Variants in PCDH15 observed in about 807,000 individuals in gnomAD.
The protein encoded by PCDH15 is protocadherin related 15, also known as protocadherin-15.
PCDH15 carries 129 observed loss-of-function variants against 178.5 expected under a neutral mutation model. The observed-to-expected ratio is 0.72, with a 90% CI of 0.63 to 0.84. PCDH15 has a LOEUF of 0.84. Among genes scored for constraint, PCDH15 ranks in the 40% least tolerant of loss-of-function variants. The pLI, the probability that PCDH15 is intolerant of heterozygous loss-of-function variation, is 0.00. For missense variants in PCDH15, 2,230 were observed against 2,099.9 expected, an observed-to-expected ratio of 1.06 and a Z score of -1.21; for synonymous variants, 800 against 732.0, an observed-to-expected ratio of 1.09 and a Z score of -1.50.
chr10:55,085,984 C>A (rs1161478794), intron 2 of PCDH15, among the ~76,000 whole-genome samples: 3 of 151,386 alleles, frequency 2.0e-5, no homozygotes, highest in African/African-American at 7.3e-5. Context: ...GTTGTTCTAG[C>A]CTTGTCTCTT....
intron 1 of PCDH15, among the ~76,000 whole-genome samples, chr10:54,679,189 CAAA>C (rs10709982): frequency 5.6e-5 from 4 of 71,314 alleles, no homozygotes; most frequent in African/African-American, 2.0e-4. Flanking sequence ...GACTCCGTCT[CAAA>C]AAAAAAAAAA....
At chr10:55,279,999 G>T (rs114206231) in intron 1 of PCDH15, among the ~76,000 whole-genome samples, 54 of 152,142 alleles carry the variant, frequency 3.5e-4, no homozygotes, top group African/African-American at 1.2e-3. Flanking sequence ...AGCCTATCAG[G>T]GTTCCACATA....
chr10:53,805,853 T>TTAAAC lies in PCDH15; in HGVS notation c.*721_*725dup, dbSNP rs539936037. On this transcript the variant is annotated 3_prime_UTR_variant, in exon 38 of 38. Coordinates refer to ENST00000644397, the MANE Select transcript of PCDH15 (RefSeq NM_001384140.1). ...CAAACAATTATTTAACCTCAAGTGA[T>TTAAAC]TAAACTAAACTAAAGTATCTACCAT... The TTAAAC allele has an allele frequency of 5.9e-5, 9 of 152,188 alleles. No homozygotes were observed. The highest frequency in any genetic ancestry group is 1.9e-4 in the East Asian group (1 of 5,178). The allele number at this position is 152,188 out of a possible 1,614,324, so 9.4% of individuals were successfully genotyped here.
chr10:54,874,993 TACAGCC>T (rs1482117182), intron 3 of PCDH15, among the ~76,000 whole-genome samples: 17 of 152,294 alleles, frequency 1.1e-4, no homozygotes, highest in African/African-American at 4.1e-4. Context: ...AAGGCTGGTT[TACAGCC>T]TATATACAAG....
intron 8 of PCDH15, among the ~76,000 whole-genome samples, chr10:54,249,183 A>G (rs1022850926): frequency 6.6e-6 from 1 of 152,110 alleles, no homozygotes; most frequent in East Asian, 1.9e-4. Flanking sequence ...AAACACATGT[A>G]ATATTTTACC....
At chr10:53,976,082 T>C (rs997905877) in intron 21 of PCDH15, among the ~76,000 whole-genome samples, 2 of 152,180 alleles carry the variant, frequency 1.3e-5, no homozygotes, top group African/African-American at 4.8e-5. Flanking sequence ...GTTGCAGGTG[T>C]GTGACTTTAT....
chr10:54,650,254 T>A (rs1291322248), intron 2 of PCDH15, among the ~76,000 whole-genome samples: 2 of 152,166 alleles, frequency 1.3e-5, no homozygotes, highest in East Asian at 3.9e-4. Context: ...GGCTATCGCA[T>A]TTCAAGCTGA....
At chr10:54,189,906 T>C (rs945484409) in intron 11 of PCDH15, among the ~76,000 whole-genome samples, 6 of 142,182 alleles carry the variant, frequency 4.2e-5, no homozygotes, top group Non-Finnish European at 9.1e-5. Flanking sequence ...ATGGTTCATA[T>C]ATGTATACAT....
intron 14 of PCDH15, among the ~76,000 whole-genome samples, chr10:54,146,576 C>T (rs1254111515): frequency 1.3e-5 from 2 of 151,574 alleles, no homozygotes; most frequent in African/African-American, 2.4e-5. Context: ...CTTCTGTATG[C>T]TTATCAAAGT....
chr10:53,914,859 A>G (rs1011736552), intron 25 of PCDH15, among the ~76,000 whole-genome samples: 1 of 152,182 alleles, frequency 6.6e-6, no homozygotes, highest in Admixed American at 6.5e-5. Flanking sequence ...GAAAATATTG[A>G]CTCTGAAACC....
chr10:55,470,034 T>C (rs4453124), intron 2 of PCDH15, among the ~76,000 whole-genome samples: 110,369 of 151,958 alleles, frequency 0.73, 40,720 homozygotes, highest in East Asian at 0.99. Context: ...GATATGAATC[T>C]AATTTTTTCT....
At chr10:53,830,446 C>A (rs959310364) in intron 30 of PCDH15, among the ~76,000 whole-genome samples, 2 of 151,816 alleles carry the variant, frequency 1.3e-5, no homozygotes, top group Non-Finnish European at 2.9e-5. Flanking sequence ...TTATTACTGT[C>A]TGCTATTTAT....
intron 2 of PCDH15, among the ~76,000 whole-genome samples, chr10:55,032,504 C>T (rs1482778361): frequency 6.6e-6 from 1 of 152,148 alleles, no homozygotes; most frequent in Non-Finnish European, 1.5e-5. Context: ...TACCCTGCTT[C>T]TCAAGGTCAT....
chr10:55,194,149 G>T (rs1840020664), intron 1 of PCDH15, among the ~76,000 whole-genome samples: 1 of 151,920 alleles, frequency 6.6e-6, no homozygotes, highest in Admixed American at 6.6e-5. Context: ...TGGCATGTTG[G>T]TCAAGAACTT....
At chr10:54,697,534 T>TATATATATATATATATAC (rs1256170283) in intron 1 of PCDH15, among the ~76,000 whole-genome samples, 63 of 150,708 alleles carry the variant, frequency 4.2e-4, no homozygotes, top group African/African-American at 1.5e-3. Context: ...TATATATATA[T>TATATATATATATATATAC]ACCTCTTTAC....
intron 2 of PCDH15, among the ~76,000 whole-genome samples, chr10:55,509,632 G>A (rs908099861): frequency 3.3e-5 from 5 of 151,670 alleles, no homozygotes; most frequent in Admixed American, 2.6e-4. Context: ...ATGTTTTACG[G>A]AACCATCATC....
At chr10:54,345,791 G>T in intron 6 of PCDH15, among the ~76,000 whole-genome samples, 1 of 91,506 alleles carries the variant, frequency 1.1e-5, no homozygotes, top group Non-Finnish European at 1.9e-5. Flanking sequence ...AACAGAGCGA[G>T]ACTCCGTCTC....
rs560474873 is a variant in PCDH15 at position 54,279,368 on chromosome 10, GT to G, written c.876+37902del. 6.0e-4 allele frequency among the ~76,000 whole-genome samples: 91 copies of G among 151,510 alleles called. 2 individuals carry two copies. The highest frequency in any genetic ancestry group is 2.1e-3 in the African/African-American group (88 of 41,414). On this transcript the variant is annotated intron_variant, in intron 8 of 37. Transcript: ENST00000644397. ...ATGTATTTGAAATTAATTATTTTAA[GT>G]GTCTCTCAACTCTCCCAATAGTGCA... is the stretch of plus-strand genomic sequence containing the variant.
At chr10:55,194,987 T>C (rs1840045262) in intron 1 of PCDH15, among the ~76,000 whole-genome samples, 1 of 151,990 alleles carries the variant, frequency 6.6e-6, no homozygotes. Flanking sequence ...TGCCTAGCAG[T>C]AGCCAAATTA....
Sources: allele counts gnomAD v4.1 joint callset (sites outside exome capture counted in the v4.1 genomes callset), GRCh38; gene constraint gnomAD v4.1.1; transcripts MANE v1.5; gene names NCBI Gene and HGNC (gene_info 2026-07-23, HGNC 2026-07-21).